The following TRIP10 variants were observed in gnomAD, a reference collection of about 807,000 sequenced individuals.
TRIP10 encodes the protein thyroid hormone receptor interactor 10, also known as cdc42-interacting protein 4.
Under a neutral mutation model 80.9 loss-of-function variants are expected in TRIP10, and 54 were observed. That is an observed-to-expected ratio of 0.67 (90% CI 0.54 to 0.84). The LOEUF is 0.84. Among genes scored for constraint, TRIP10 ranks in the 40% least tolerant of loss-of-function variants. TRIP10 has a pLI of 0.00. For missense variants in TRIP10, 773 were observed against 815.3 expected, an observed-to-expected ratio of 0.95 and a Z score of 0.63; for synonymous variants, 321 against 307.2, an observed-to-expected ratio of 1.04 and a Z score of -0.47.
At chr19:6,749,833 G>C (rs1969228804) in intron 11 of TRIP10, 101 bp from the exon 12 acceptor site, 1 of 1,491,786 alleles carries the variant, frequency 6.7e-7, no homozygotes, top group Non-Finnish European at 9.0e-7. Flanking sequence ...CCTGGGGAAA[G>C]AGTCAGAATG....
chr19:6,744,945 GC>G lies in TRIP10; in HGVS notation c.938del (p.Pro313ArgfsTer50), dbSNP rs1478416402. The G allele has an allele frequency of 1.9e-6, 3 of 1,613,898 alleles. No homozygotes were observed. Among genetic ancestry groups the G allele is most frequent in the Non-Finnish European group, 2.5e-6 (3 of 1,180,014 alleles). ...TCGGATGGACGGCCTGAACTCCGAG[GC>G]CCGGGTCGCAGCCGCACCAAGCGCT... The part of the protein sequence containing the change: ...TPSDGRPELR[G>X]PGRSRTKRWP... On this transcript the variant is annotated frameshift_variant, in exon 9 of 15. Transcript: ENST00000313244. LOFTEE classifies it high-confidence loss of function. The surrounding 1 kb of genome is among the most constrained non-coding windows in gnomAD (Gnocchi z 4.9).
At chr19:6,740,160 G>C (rs1968866612) in intron 1 of TRIP10, among the ~76,000 whole-genome samples, 1 of 152,182 alleles carries the variant, frequency 6.6e-6, no homozygotes, top group Non-Finnish European at 1.5e-5. Context: ...TAGGAGGGGG[G>C]AGGGGACCCT....
intron 1 of TRIP10, 42 bp downstream of exon 1, chr19:6,739,827 G>A: frequency 1.4e-6 from 2 of 1,425,572 alleles, no homozygotes; most frequent in South Asian, 3.4e-5. Context: ...CTTTGCTGGG[G>A]TCCAGGCACC....
chr19:6,740,259 G>A (rs1398976623), intron 1 of TRIP10, among the ~76,000 whole-genome samples: 1 of 152,156 alleles, frequency 6.6e-6, no homozygotes, highest in Non-Finnish European at 1.5e-5. Context: ...GGCTGGGGAC[G>A]CTCATGGAGG....
At chr19:6,749,337 G>A (rs1969216737) in intron 11 of TRIP10, among the ~76,000 whole-genome samples, 1 of 152,100 alleles carries the variant, frequency 6.6e-6, no homozygotes, top group Non-Finnish European at 1.5e-5. Context: ...TAGGTATCAG[G>A]CATTGTATTA....
In TRIP10 at chr19:6,746,796, G is replaced by C. The variant is rs546757939; in HGVS notation, c.1262+235G>C. Among the ~76,000 whole-genome samples the C allele has an allele frequency of 6.6e-6, 1 of 152,068 alleles. No homozygotes were observed. Among genetic ancestry groups the C allele is most frequent in the Admixed American group, 6.5e-5 (1 of 15,270 alleles). On this transcript the variant is annotated intron_variant, in intron 11 of 14. Coordinates refer to ENST00000313244, the MANE Select transcript of TRIP10 (RefSeq NM_001288962.2). The surrounding 1 kb of genome is among the most constrained non-coding windows in gnomAD (Gnocchi z 6.2). ...GCCTGCCGATTAGCTAGGACCACAG[G>C]CATGCACCAGCTAATTTTTATATTT... is the stretch of plus-strand genomic sequence containing the variant.
chr19:6,745,733 G>T lies in TRIP10; in HGVS notation c.985-296G>T. ...GACATAACATTCCAGAGACCTAGGA[G>T]ATACCGGGGGAGTGAGAGTTCTGGC... On this transcript the variant is annotated intron_variant, in intron 9 of 14. Transcript: ENST00000313244. The surrounding 1 kb of genome is among the most constrained non-coding windows in gnomAD (Gnocchi z 7.2). 1.0e-6 allele frequency: 1 copy of T among 985,178 alleles called. No individual in the cohort carries two copies. Among genetic ancestry groups the T allele is most frequent in the Non-Finnish European group, 1.2e-6 (1 of 829,882 alleles). 61.0% of individuals were successfully genotyped at this position (985,178 alleles called of 1,614,324 possible).
At chr19:6,741,361 G>C (rs1279286281) in intron 3 of TRIP10, 80 bp downstream of exon 3, 9 of 1,486,996 alleles carry the variant, frequency 6.1e-6, no homozygotes, top group Non-Finnish European at 8.3e-6. Flanking sequence ...CCTCAGCTGG[G>C]ACACCCCACC....
At chr19:6,740,660 G>T in intron 1 of TRIP10, 1 of 247,158 alleles carries the variant, frequency 4.0e-6, no homozygotes, top group Non-Finnish European at 8.0e-6. Flanking sequence ...CTTGACTCAC[G>T]CCGGGCCGGC....
At position 6,746,129 on chromosome 19, in the gene TRIP10, T is replaced by G. The variant is rs1969121370; in HGVS notation, c.1085T>G (p.Leu362Arg). 6.5e-7 allele frequency: 1 copy of G among 1,527,100 alleles called. No homozygotes were observed. The highest frequency in any genetic ancestry group is 2.5e-5 in the East Asian group (1 of 39,222). 94.6% of individuals were successfully genotyped at this position (1,527,100 alleles called of 1,614,324 possible). Residue 362 changes from leucine (L) to arginine (R), a missense_variant, in exon 10 of 15, where the codon CTG (leucine) becomes CGG (arginine). Leu to Arg is a moderately radical substitution (Grantham distance 102, BLOSUM62 -2). Transcript: ENST00000313244. The surrounding 1 kb of genome is among the most constrained non-coding windows in gnomAD (Gnocchi z 6.2). ...PRSGRDPLAI[L>R]SEISKSVKPR... ...TCCGGCCGTGACCCCTTGGCCATAC[T>G]GAGCGAGATCAGTAAGTCGGTCAAA...
Position 6,746,344 on chromosome 19 carries a change from G to A in TRIP10, c.1153-108G>A, listed in dbSNP as rs553180479. 1.1e-4 allele frequency: 169 copies of A among 1,541,396 alleles called. 1 individual carries two copies. In the Middle Eastern group the frequency reaches 1.6e-3, roughly 14 times the overall value. On this transcript the variant is annotated intron_variant, in intron 10 of 14. Coordinates refer to ENST00000313244, the MANE Select transcript of TRIP10 (RefSeq NM_001288962.2). This position sits in a 1 kb window ranked among gnomAD's most constrained non-coding sequence, Gnocchi z 6.2. ...CCTGCTTTGCTCTGTGCATGGCTTC[G>A]CTGTCAAGAACCATGGCTGGGGAAG... is the stretch of plus-strand genomic sequence containing the variant.
At position 6,750,358 on chromosome 19, in the gene TRIP10, C is replaced by T. The variant is rs141275848; in HGVS notation, c.1462C>T (p.Arg488Trp). Reference sequence around the variant, plus strand: ...GGGAGACAGCCTGAGCCGGCACGCCCGGCCTCCCGACCCCCCCGCTAGCGC... The same window carrying T: ...GGGAGACAGCCTGAGCCGGCACGCCTGGCCTCCCGACCCCCCCGCTAGCGC... ...NRGDSLSRHA[R>W]PPDPPASAPP... Residue 488 changes from arginine (R) to tryptophan (W), a missense_variant, in exon 13 of 15, where the codon CGG (arginine) becomes TGG (tryptophan). Physicochemically the swap from Arg to Trp is moderately radical, Grantham distance 101. Coordinates refer to ENST00000313244, the MANE Select transcript of TRIP10 (RefSeq NM_001288962.2). 178 of 1,613,956 alleles carry T rather than the reference C, an allele frequency of 1.1e-4. No individual in the cohort carries two copies. The highest frequency in any genetic ancestry group is 9.1e-4 in the South Asian group (83 of 91,066).
In TRIP10 at chr19:6,751,417, A is replaced by G; in HGVS notation, c.*206A>G. The G allele has an allele frequency of 8.2e-7, 1 of 1,226,242 alleles. No individual in the cohort carries two copies. The highest frequency in any genetic ancestry group is 1.1e-6 in the Non-Finnish European group (1 of 950,338). 76.0% of individuals were successfully genotyped at this position (1,226,242 alleles called of 1,614,324 possible). ...TACCATCGTTCCACCATTGATGTAC[A>G]TACTCATGTTTTACATCTTTTCTTT... On this transcript the variant is annotated 3_prime_UTR_variant, in exon 15 of 15. Transcript: ENST00000313244.
Position 6,750,366 on chromosome 19 carries a change from C to A in TRIP10, c.1470C>A (p.Pro490=). 6.2e-7 allele frequency: 1 copy of A among 1,614,024 alleles called. No individual in the cohort carries two copies. Among genetic ancestry groups the A allele is most frequent in the Non-Finnish European group, 8.5e-7 (1 of 1,179,998 alleles). The change falls in exon 13 of 15, where the codon CCC becomes CCA. Residue 490 remains proline, a synonymous_variant. Transcript: ENST00000313244. Reference sequence around the variant, plus strand: ...GCCTGAGCCGGCACGCCCGGCCTCCCGACCCCCCCGCTAGCGCCCCGCCAG... The same window carrying A: ...GCCTGAGCCGGCACGCCCGGCCTCCAGACCCCCCCGCTAGCGCCCCGCCAG... ...GDSLSRHARP[P]DPPASAPPDS...
rs1053137996 is a variant in TRIP10 at position 6,751,244 on chromosome 19, G to A, written c.*33G>A. 6 of 1,613,204 alleles carry A rather than the reference G, an allele frequency of 3.7e-6. No individual in the cohort carries two copies. Among genetic ancestry groups the A allele is most frequent in the Admixed American group, 1.7e-5 (1 of 59,960 alleles). Reference sequence around the variant, plus strand: ...CAGAGACGGGAAGAGGGGGGCTGTCGGCTGCTGCTTCTGGGCCACGGGGAG... The same window carrying A: ...CAGAGACGGGAAGAGGGGGGCTGTCAGCTGCTGCTTCTGGGCCACGGGGAG... On this transcript the variant is annotated 3_prime_UTR_variant, in exon 15 of 15. Coordinates refer to ENST00000313244, the MANE Select transcript of TRIP10 (RefSeq NM_001288962.2).
chr19:6,741,388 C>G (rs1968915494), intron 3 of TRIP10, 107 bp downstream of exon 3: 1 of 1,288,926 alleles, frequency 7.8e-7, no homozygotes, highest in Admixed American at 2.0e-5. Flanking sequence ...CTCACTTCCC[C>G]TTCTAGAGGT....
rs375875671 is a variant in TRIP10, at chr19:6,750,578, C to T, written c.1602C>T (p.Phe534=). 1.1e-5 allele frequency: 18 copies of T among 1,614,220 alleles called. No individual in the cohort carries two copies. The African/African-American group carries it at 1.3e-4, about 12-fold the overall frequency. Residue 534 remains phenylalanine (F), a synonymous_variant, in exon 14 of 15, where the codon TTC becomes TTT. Transcript: ENST00000313244. The stretch of plus-strand genomic sequence containing the variant: ...TTTACACGGAGTTTGATGAGGATTT[C>T]GAGGAGGAACCCACATCCCCCATAG... ...TPIYTEFDED[F]EEEPTSPIGH... is the part of the protein sequence containing the mutation.
At chr19:6,740,788 G>C (rs940323656) in intron 1 of TRIP10, 1 of 547,020 alleles carries the variant, frequency 1.8e-6, no homozygotes, top group Non-Finnish European at 3.3e-6. Flanking sequence ...GGCCGGGGTG[G>C]CTGGGGCCTG....
chr19:6,746,032 C>T lies in TRIP10; in HGVS notation c.988C>T (p.Arg330Cys), dbSNP rs1398751371. 4 of 965,604 alleles carry T rather than the reference C, an allele frequency of 4.1e-6. No homozygotes were observed. The African/African-American group carries it at 5.3e-5, about 13-fold the overall frequency. The allele number at this position is 965,604 out of a possible 1,614,324, so 59.8% of individuals were successfully genotyped here. A position where few individuals can be genotyped will look rare whatever the true frequency, so the allele number is the denominator to read the frequency against. ...CCTCCCCGGCCCCCGCCGGTAGCCT[C>T]GCCCCCCACCCCTCTCCCCCCTGGG... ...RWPFGKKNKPRPPPLSPLGGP... is the reference protein window; with the variant it reads ...RWPFGKKNKPCPPPLSPLGGP... Residue 330 changes from arginine (R) to cysteine (C), a missense_variant, in exon 10 of 15, where the codon CGC becomes TGC. Arg to Cys is a radical substitution (Grantham distance 180, BLOSUM62 -3). Transcript: ENST00000313244. The surrounding 1 kb of genome is among the most constrained non-coding windows in gnomAD (Gnocchi z 6.2).
Sources: gnomAD v4.1 joint callset for allele counts (sites outside exome capture counted in the v4.1 genomes callset) on GRCh38, gnomAD v4.1.1 for gene constraint, Gnocchi (gnomAD v3.1) non-coding constraint, MANE v1.5 for transcripts, NCBI Gene and HGNC (gene_info 2026-07-23, HGNC 2026-07-21) for gene names.